The following RNGTT variants were observed in gnomAD, a reference collection of about 807,000 sequenced individuals.
RNGTT encodes the protein mRNA-capping enzyme.
Under a neutral mutation model 79.3 loss-of-function variants are expected in RNGTT, and 33 were observed. That is an observed-to-expected ratio of 0.42 (90% CI 0.32 to 0.56). The LOEUF (loss-of-function observed/expected upper bound fraction) is 0.56. RNGTT is among the 20% of genes least tolerant of loss of function. The pLI is 0.17. For missense variants in RNGTT, 497 were observed against 739.1 expected (o/e 0.67, Z 3.80); for synonymous variants, 222 against 235.9 (o/e 0.94, Z 0.54).
At chr6:88,753,315 G>A (rs2127831497) in intron 13 of RNGTT, among the ~76,000 whole-genome samples, 1 of 151,986 alleles carries the variant, frequency 6.6e-6, no homozygotes, top group African/African-American at 2.4e-5. Context: ...AACAGCCTAG[G>A]CAACACAGTG....
chr6:88,869,494 A>G (rs1188165076), intron 8 of RNGTT, among the ~76,000 whole-genome samples: 3 of 152,114 alleles, frequency 2.0e-5, no homozygotes, highest in Admixed American at 1.3e-4. Flanking sequence ...TGGTTCTTTT[A>G]TAAGTAGAGA....
At chr6:88,617,213 T>C (rs1772263826) in intron 14 of RNGTT, among the ~76,000 whole-genome samples, 1 of 152,174 alleles carries the variant, frequency 6.6e-6, no homozygotes, top group Non-Finnish European at 1.5e-5. Flanking sequence ...GAGCTTGCAG[T>C]GAGCTGAGAT....
At chr6:88,626,108 T>C (rs1337846102) in intron 14 of RNGTT, among the ~76,000 whole-genome samples, 1 of 151,998 alleles carries the variant, frequency 6.6e-6, no homozygotes, top group Non-Finnish European at 1.5e-5. Context: ...AGGAGTTATA[T>C]AATTTGATCA....
chr6:88,630,605 T>G (rs1197317322), intron 14 of RNGTT, among the ~76,000 whole-genome samples: 1 of 152,168 alleles, frequency 6.6e-6, no homozygotes, highest in Non-Finnish European at 1.5e-5. Flanking sequence ...AATTTAACCT[T>G]AAATTAATCC....
At chr6:88,765,365 C>G (rs929179823) in intron 13 of RNGTT, among the ~76,000 whole-genome samples, 1 of 152,048 alleles carries the variant, frequency 6.6e-6, no homozygotes, top group Non-Finnish European at 1.5e-5. Flanking sequence ...ACCATACATT[C>G]TGCTGAGGTT....
At chr6:88,889,378 G>A (rs1345246839) in intron 8 of RNGTT, among the ~76,000 whole-genome samples, 1 of 152,074 alleles carries the variant, frequency 6.6e-6, no homozygotes, top group African/African-American at 2.4e-5. Flanking sequence ...ACCTAATAAT[G>A]AAAATAGGTT....
intron 12 of RNGTT, among the ~76,000 whole-genome samples, chr6:88,783,807 C>T (rs2127850651): frequency 6.6e-6 from 1 of 152,122 alleles, no homozygotes; most frequent in South Asian, 2.1e-4. Context: ...ATGGGCCAAT[C>T]AAAATAATAA....
intron 13 of RNGTT, among the ~76,000 whole-genome samples, chr6:88,749,528 A>C (rs571269279): frequency 7.9e-5 from 12 of 152,190 alleles, no homozygotes; most frequent in African/African-American, 2.9e-4. Flanking sequence ...AAAAGTATAG[A>C]AAAAGTAGGA....
At chr6:88,833,013 G>A (rs1013962818) in intron 11 of RNGTT, among the ~76,000 whole-genome samples, 4 of 152,200 alleles carry the variant, frequency 2.6e-5, no homozygotes, top group Admixed American at 2.6e-4. Context: ...GGAAGACAGT[G>A]TGGCGATTCC....
intron 8 of RNGTT, among the ~76,000 whole-genome samples, chr6:88,876,004 A>G (rs1040162328): frequency 6.6e-6 from 1 of 152,168 alleles, no homozygotes; most frequent in African/African-American, 2.4e-5. Flanking sequence ...AAGGTATATC[A>G]AGGACTTCAA....
chr6:88,778,354 T>C (rs1459761830), intron 12 of RNGTT, among the ~76,000 whole-genome samples: 1 of 152,150 alleles, frequency 6.6e-6, no homozygotes, highest in African/African-American at 2.4e-5. Context: ...AGTCTCCCAA[T>C]TCAGTGTGTG....
chr6:88,904,455 C>G (rs1783579372), intron 6 of RNGTT, among the ~76,000 whole-genome samples: 1 of 151,986 alleles, frequency 6.6e-6, no homozygotes, highest in Admixed American at 6.6e-5. Context: ...TGGCACATGT[C>G]TACAGTCCCA....
At chr6:88,637,755 T>A (rs866128746) in intron 14 of RNGTT, among the ~76,000 whole-genome samples, 1 of 152,152 alleles carries the variant, frequency 6.6e-6, no homozygotes, top group African/African-American at 2.4e-5. Flanking sequence ...AGGCCCCATC[T>A]GCAATGGTTT....
intron 11 of RNGTT, among the ~76,000 whole-genome samples, chr6:88,822,275 T>C (rs930373185): frequency 1.3e-5 from 2 of 152,192 alleles, no homozygotes; most frequent in Admixed American, 6.5e-5. Flanking sequence ...CTCGAGATGA[T>C]AGCACAATGC....
chr6:88,944,892 G>A (rs996607213), intron 1 of RNGTT, among the ~76,000 whole-genome samples: 91 of 152,118 alleles, frequency 6.0e-4, no homozygotes, highest in Non-Finnish European at 8.4e-4. Context: ...CCTGGCATTG[G>A]GGGAAAGGGG....
At chr6:88,658,117 C>T (rs1168840558) in intron 14 of RNGTT, among the ~76,000 whole-genome samples, 15 of 152,148 alleles carry the variant, frequency 9.9e-5, no homozygotes, top group Admixed American at 7.9e-4. Context: ...TTGAAAGCGC[C>T]ACCTCCTGTC....
In RNGTT at chr6:88,942,217, G is replaced by C. The variant is rs552124521; in HGVS notation, c.65-1037C>G. Among the ~76,000 whole-genome samples, 3 of 152,242 alleles carry C rather than the reference G, an allele frequency of 2.0e-5. No homozygotes were observed. In the East Asian group the frequency reaches 5.8e-4, roughly 29 times the overall value. On this transcript the variant is annotated intron_variant, in intron 1 of 15. Transcript: ENST00000369485. The stretch of plus-strand genomic sequence containing the variant: ...CCATGCTAGAATATGATATCATTCT[G>C]AGAGGATGCTAACCAAAATCATCCT...
chr6:88,707,440 G>A (rs1222463003), intron 13 of RNGTT, among the ~76,000 whole-genome samples: 1 of 152,030 alleles, frequency 6.6e-6, no homozygotes, highest in Non-Finnish European at 1.5e-5. Context: ...CAGGTCTTGA[G>A]CCTTCACCTG....
intron 12 of RNGTT, among the ~76,000 whole-genome samples, chr6:88,784,561 T>A (rs775478937): frequency 3.3e-5 from 5 of 151,880 alleles, no homozygotes; most frequent in Non-Finnish European, 7.4e-5. Context: ...TAGAGACTAT[T>A]TCAGTTTGTA....
Sources: gnomAD v4.1 joint callset for allele counts (sites outside exome capture counted in the v4.1 genomes callset) on GRCh38, gnomAD v4.1.1 for gene constraint, MANE v1.5 for transcripts, NCBI Gene and HGNC (gene_info 2026-07-23, HGNC 2026-07-21) for gene names.